The following SAMSN1 variants were observed in gnomAD, a reference collection of about 807,000 sequenced individuals.
SAMSN1 encodes the protein SAM domain-containing protein SAMSN-1.
SAMSN1 carries 31 observed loss-of-function variants against 42.0 expected under a neutral mutation model. The observed-to-expected ratio is 0.74, with a 90% confidence interval of 0.55 to 1.00. SAMSN1 has a LOEUF of 1.00. SAMSN1 is among the 50% of genes least tolerant of loss of function. SAMSN1 has a pLI of 0.00. For synonymous variants in SAMSN1, 178 were observed against 151.9 expected (o/e 1.17, Z -1.26); for missense variants, 464 against 439.4 (o/e 1.06, Z -0.50).
intron 4 of SAMSN1, among the ~76,000 whole-genome samples, chr21:14,511,337 T>C (rs1987679732): frequency 6.6e-6 from 1 of 152,216 alleles, no homozygotes; most frequent in South Asian, 2.1e-4. Flanking sequence ...CTCCCTTCCA[T>C]GACAACTCCA....
At position 14,634,556 on chromosome 21, in the gene SAMSN1, A is replaced by G. The variant is rs571111455; in HGVS notation, c.156+8446T>C. ...GAAGACATTTATGCAGCCAACAAAC[A>G]TGAAGAAAGGCTCAACATCACTGAT... On this transcript the variant is annotated intron_variant, in intron 2 of 15. Coordinates refer to the SAMSN1 transcript ENST00000647101. 6.6e-5 allele frequency among the ~76,000 whole-genome samples: 10 copies of G among 152,354 alleles called. No individual in the cohort carries two copies. In the South Asian group the frequency reaches 2.1e-3, roughly 32 times the overall value.
intron 7 of SAMSN1, among the ~76,000 whole-genome samples, chr21:14,588,548 T>C (rs552558735): frequency 5.9e-5 from 9 of 152,166 alleles, no homozygotes; most frequent in Non-Finnish European, 1.3e-4. Context: ...ATGTCTTCTT[T>C]TGAGAAGTAT....
chr21:14,576,339 G>C (rs1045353990), intron 2 of SAMSN1, among the ~76,000 whole-genome samples: 1 of 152,078 alleles, frequency 6.6e-6, no homozygotes, highest in South Asian at 2.1e-4. Flanking sequence ...AGAGACCGAG[G>C]GAGACTGCCA....
In SAMSN1 at chr21:14,521,900, T is replaced by TAA. The variant is rs35197722; in HGVS notation, c.58-681_58-680dup. On this transcript the variant is annotated intron_variant, in intron 1 of 7. Transcript: ENST00000400566. ...ATGAAAATAAAAGACCAAGTTTGTTTAAAAAAAAAAAAAGAACATAAGTGC... is the reference window on the plus strand; with the variant it reads ...ATGAAAATAAAAGACCAAGTTTGTTTAAAAAAAAAAAAAAAGAACATAAGTGC... Among the ~76,000 whole-genome samples, 663 of 145,952 alleles carry TAA rather than the reference T, an allele frequency of 4.5e-3. 2 individuals are homozygous for TAA. In the Middle Eastern group the frequency reaches 0.056, roughly 12 times the overall value.
At chr21:14,539,653 C>T (rs927805254) in intron 1 of SAMSN1, among the ~76,000 whole-genome samples, 5 of 152,020 alleles carry the variant, frequency 3.3e-5, no homozygotes, top group African/African-American at 1.2e-4. Flanking sequence ...AAGATACAAA[C>T]AAATGGAAGA....
At chr21:14,605,856 T>A (rs963098489) in intron 5 of SAMSN1, among the ~76,000 whole-genome samples, 11 of 133,028 alleles carry the variant, frequency 8.3e-5, no homozygotes, top group South Asian at 2.3e-4. Context: ...TTATTTATTT[T>A]TTTGAGATGG....
intron 7 of SAMSN1, chr21:14,591,223 T>G (rs1982074925): frequency 6.6e-6 from 1 of 152,146 alleles, no homozygotes; most frequent in South Asian, 2.1e-4. Flanking sequence ...AGGCAAAATT[T>G]TAAGTCATCA....
chr21:14,640,806 A>G (rs1477010557), intron 2 of SAMSN1, among the ~76,000 whole-genome samples: 2 of 152,124 alleles, frequency 1.3e-5, no homozygotes, highest in Admixed American at 6.5e-5. Context: ...ACTTTTCAGT[A>G]TGCCTGTATA....
intron 1 of SAMSN1, among the ~76,000 whole-genome samples, chr21:14,650,581 A>G (rs978329298): frequency 2.6e-5 from 4 of 152,100 alleles, no homozygotes; most frequent in Non-Finnish European, 5.9e-5. Context: ...ATCAAAAAAG[A>G]TGAATAACTG....
intron 5 of SAMSN1, among the ~76,000 whole-genome samples, chr21:14,603,938 G>A (rs988919580): frequency 3.3e-5 from 5 of 151,990 alleles, no homozygotes; most frequent in East Asian, 1.9e-4. Context: ...ACAAATATAC[G>A]GATTTTAATG....
At chr21:14,527,174 G>C (rs1343633657) in intron 1 of SAMSN1, among the ~76,000 whole-genome samples, 1 of 152,180 alleles carries the variant, frequency 6.6e-6, no homozygotes, top group Non-Finnish European at 1.5e-5. Context: ...TCAAAGATCA[G>C]AATTCTGTTT....
chr21:14,600,315 A>G (rs544948016), intron 6 of SAMSN1, among the ~76,000 whole-genome samples: 8 of 152,178 alleles, frequency 5.3e-5, no homozygotes, highest in Non-Finnish European at 1.5e-5. Context: ...ATTTTGCATA[A>G]CACTCTTTGT....
At chr21:14,516,641 C>T (rs537246732) in intron 3 of SAMSN1, among the ~76,000 whole-genome samples, 27 of 152,294 alleles carry the variant, frequency 1.8e-4, no homozygotes, top group African/African-American at 5.8e-4. Context: ...ATCTTCCCGC[C>T]ACGGCCTCCA....
chr21:14,581,625 G>T (rs28452296), intron 2 of SAMSN1, among the ~76,000 whole-genome samples: 13,760 of 151,538 alleles, frequency 0.091, 1,587 homozygotes, highest in African/African-American at 0.27. Context: ...TCCCAAAAGT[G>T]CTGGGATTAC....
chr21:14,501,107 C>T (rs893750498), intron 5 of SAMSN1, among the ~76,000 whole-genome samples: 7 of 152,028 alleles, frequency 4.6e-5, no homozygotes, highest in Non-Finnish European at 1.5e-5. Context: ...CATGTCACTG[C>T]ACTCCAGCCT....
chr21:14,517,983 T>G (rs1377227489), intron 2 of SAMSN1, among the ~76,000 whole-genome samples: 1 of 152,206 alleles, frequency 6.6e-6, no homozygotes, highest in African/African-American at 2.4e-5. Flanking sequence ...AGTTTGTGCT[T>G]TAGCAAGCTC....
At chr21:14,636,227 T>C (rs911423240) in intron 2 of SAMSN1, among the ~76,000 whole-genome samples, 1 of 152,194 alleles carries the variant, frequency 6.6e-6, no homozygotes, top group Non-Finnish European at 1.5e-5. Flanking sequence ...CTGTGTTCTC[T>C]AGATATCAGA....
At chr21:14,522,687 A>G (rs1483732156) in intron 1 of SAMSN1, among the ~76,000 whole-genome samples, 2 of 152,226 alleles carry the variant, frequency 1.3e-5, no homozygotes, top group African/African-American at 4.8e-5. Context: ...TCAAATTTCT[A>G]AATAAAGACC....
rs139885216 is a variant in SAMSN1, at chr21:14,602,786, G to A, written c.323-687C>T. ...ATCACCTGGTCAGCAGACCAGGGCC[G>A]TTTCCTTTCACTTTCACTCCTATTT... On this transcript the variant is annotated intron_variant, in intron 5 of 15. Coordinates refer to the SAMSN1 transcript ENST00000647101. Among the ~76,000 whole-genome samples the A allele has an allele frequency of 4.5e-4, 68 of 152,244 alleles. 1 individual carries two copies. Among genetic ancestry groups the A allele is most frequent in the African/African-American group, 9.9e-4 (41 of 41,536 alleles).
Sources: gnomAD v4.1 joint callset for allele counts (sites outside exome capture counted in the v4.1 genomes callset) on GRCh38, gnomAD v4.1.1 for gene constraint, MANE v1.5 for transcripts, NCBI Gene and HGNC (gene_info 2026-07-23, HGNC 2026-07-21) for gene names.